Variants in KCNMA1 observed in about 807,000 individuals in gnomAD.
The protein encoded by KCNMA1 is potassium calcium-activated channel subfamily M alpha 1.
A neutral mutation model predicts 140.0 loss-of-function variants in KCNMA1; 29 were observed. That is an observed-to-expected ratio of 0.21 (90% CI 0.15 to 0.28). KCNMA1 has a LOEUF of 0.28. Among genes scored for constraint, KCNMA1 ranks in the 10% least tolerant of loss-of-function variants. The pLI is 1.00. For missense variants in KCNMA1, 880 were observed against 1,602.2 expected, an observed-to-expected ratio of 0.55 and a Z score of 7.70; for synonymous variants, 612 against 611.9, an observed-to-expected ratio of 1.00 and a Z score of 0.00.
intron 3 of KCNMA1, among the ~76,000 whole-genome samples, chr10:77,192,798 TGC>T (rs1316469478): frequency 1.3e-5 from 2 of 152,224 alleles, no homozygotes; most frequent in African/African-American, 4.8e-5. Flanking sequence ...TCTGCTTTAC[TGC>T]CTCTTTATCT....
chr10:77,160,731 A>C (rs1341539261), intron 5 of KCNMA1, among the ~76,000 whole-genome samples: 3 of 152,246 alleles, frequency 2.0e-5, no homozygotes, highest in Non-Finnish European at 4.4e-5. Context: ...AAAGGTTTTC[A>C]CATAGTTGAA....
intron 19 of KCNMA1, among the ~76,000 whole-genome samples, chr10:76,971,493 T>G (rs1051283103): frequency 6.6e-5 from 10 of 152,170 alleles, no homozygotes; most frequent in African/African-American, 2.2e-4. Flanking sequence ...TTTTACACTC[T>G]CCTATTCTGC....
Position 77,429,636 on chromosome 10 carries a change from A to G in KCNMA1, c.379-25613T>C, listed in dbSNP as rs142577924. Among the ~76,000 whole-genome samples, 335 of 152,328 alleles carry G rather than the reference A, an allele frequency of 2.2e-3. 1 individual carries two copies. Among genetic ancestry groups the G allele is most frequent in the Middle Eastern group, 0.01 (3 of 294 alleles). On this transcript the variant is annotated intron_variant, in intron 1 of 27. Coordinates refer to ENST00000286628, the MANE Select transcript of KCNMA1 (RefSeq NM_001161352.2). ...GAAATTCCCCATAGTAGTCTATTAAAGGCCCTAAAAAGTTCTGCAATAAGA... is the reference window on the plus strand; with the variant it reads ...GAAATTCCCCATAGTAGTCTATTAAGGGCCCTAAAAAGTTCTGCAATAAGA...
chr10:77,615,867 T>C (rs1184351463), intron 1 of KCNMA1, among the ~76,000 whole-genome samples: 2 of 152,176 alleles, frequency 1.3e-5, no homozygotes, highest in Non-Finnish European at 2.9e-5. Context: ...CCTGGTTATA[T>C]TGACAAAGGA....
chr10:76,892,489 C>T (rs371354227), intron 25 of KCNMA1, among the ~76,000 whole-genome samples: 35 of 152,214 alleles, frequency 2.3e-4, no homozygotes, highest in African/African-American at 8.2e-4. Context: ...TATTTGTCAC[C>T]AGCCTAATTT....
chr10:76,970,231 G>A lies in KCNMA1; in HGVS notation c.2267-164C>T, dbSNP rs973605598. The A allele has an allele frequency of 4.4e-5, 30 of 679,494 alleles. 1 individual carries two copies. The highest frequency in any genetic ancestry group is 3.9e-4 in the African/African-American group (22 of 56,654). The allele number at this position is 679,494 out of a possible 1,614,324, so 42.1% of individuals were successfully genotyped here. A position where few individuals can be genotyped will look rare whatever the true frequency, so the allele number is the denominator to read the frequency against. On this transcript the variant is annotated intron_variant, in intron 19 of 27. Transcript: ENST00000286628. Reference sequence around the variant, plus strand: ...AAGACCAAATGTGTTAGTCAAAGAGGCCGGCTTAGAGAAGGTGAAGGCAAC... The same window carrying A: ...AAGACCAAATGTGTTAGTCAAAGAGACCGGCTTAGAGAAGGTGAAGGCAAC...
At chr10:77,319,970 G>A (rs766314217) in intron 2 of KCNMA1, among the ~76,000 whole-genome samples, 8 of 152,182 alleles carry the variant, frequency 5.3e-5, no homozygotes, top group Non-Finnish European at 1.2e-4. Context: ...GACTGATACT[G>A]CCCTCTTCGA....
intron 3 of KCNMA1, among the ~76,000 whole-genome samples, chr10:77,244,201 G>A (rs987934620): frequency 9.9e-5 from 15 of 152,190 alleles, no homozygotes; most frequent in African/African-American, 2.9e-4. Flanking sequence ...CTGGCTGGTC[G>A]GATGACCTTG....
chr10:76,975,363 G>A (rs2077164116), intron 19 of KCNMA1: 1 of 152,232 alleles, frequency 6.6e-6, no homozygotes, highest in South Asian at 2.1e-4. Context: ...ATTGGAGGAT[G>A]GAATGGTGCC....
intron 1 of KCNMA1, among the ~76,000 whole-genome samples, chr10:77,587,382 TA>T (rs1229876907): frequency 6.6e-6 from 1 of 152,202 alleles, no homozygotes; most frequent in Non-Finnish European, 1.5e-5. Flanking sequence ...CCAAGCATTA[TA>T]ATGAGAAAGC....
At chr10:77,088,385 G>T (rs2096741240) in intron 10 of KCNMA1, among the ~76,000 whole-genome samples, 1 of 152,176 alleles carries the variant, frequency 6.6e-6, no homozygotes, top group African/African-American at 2.4e-5. Flanking sequence ...TGGATGTTAG[G>T]GATACAAAGG....
intron 19 of KCNMA1, among the ~76,000 whole-genome samples, chr10:76,976,485 C>A (rs2153219964): frequency 6.6e-6 from 1 of 152,246 alleles, no homozygotes; most frequent in Admixed American, 6.5e-5. Flanking sequence ...ACATGGAATG[C>A]AGTGTTCTCT....
intron 3 of KCNMA1, among the ~76,000 whole-genome samples, chr10:77,200,386 C>T (rs764197985): frequency 1.1e-4 from 16 of 152,210 alleles, no homozygotes; most frequent in Middle Eastern, 3.4e-3. Context: ...TAAATCCCCA[C>T]GGAAAAAAGT....
chr10:76,975,216 A>G (rs1163632761), intron 19 of KCNMA1: 1 of 152,160 alleles, frequency 6.6e-6, no homozygotes, highest in Non-Finnish European at 1.5e-5. Flanking sequence ...CGTGTTGCAA[A>G]ATGTAATTCA....
intron 2 of KCNMA1, among the ~76,000 whole-genome samples, chr10:77,304,994 C>T (rs1260738867): frequency 2.0e-5 from 3 of 152,172 alleles, no homozygotes; most frequent in African/African-American, 7.2e-5. Flanking sequence ...ACCTGGAGAG[C>T]TTGTTAAAAT....
intron 2 of KCNMA1, among the ~76,000 whole-genome samples, chr10:77,271,488 G>C (rs978345486): frequency 1.3e-5 from 2 of 152,182 alleles, no homozygotes; most frequent in African/African-American, 2.4e-5. Context: ...ATGTGGCCTA[G>C]AGCAGGTAAC....
At chr10:76,974,611 T>C (rs1239992855) in intron 19 of KCNMA1, 15 of 1,335,934 alleles carry the variant, frequency 1.1e-5, no homozygotes, top group Non-Finnish European at 1.6e-5. Flanking sequence ...TGGAAATTAA[T>C]CCATAGTGAA....
chr10:77,295,347 CAA>C (rs11351133), intron 2 of KCNMA1, among the ~76,000 whole-genome samples: 4 of 137,260 alleles, frequency 2.9e-5, no homozygotes, highest in Admixed American at 1.4e-4. Flanking sequence ...AACTCGGTCT[CAA>C]AAAAAAAAAA....
At chr10:77,573,136 T>C (rs906980076) in intron 1 of KCNMA1, among the ~76,000 whole-genome samples, 1 of 152,178 alleles carries the variant, frequency 6.6e-6, no homozygotes, top group Non-Finnish European at 1.5e-5. Context: ...TCAAAATATC[T>C]TATATTTAAA....
Sources: gnomAD v4.1 joint callset for allele counts (sites outside exome capture counted in the v4.1 genomes callset) on GRCh38, gnomAD v4.1.1 for gene constraint, MANE v1.5 for transcripts, NCBI Gene and HGNC (gene_info 2026-07-23, HGNC 2026-07-21) for gene names.